Variants in DYNC2H1 observed in about 807,000 individuals in gnomAD.
DYNC2H1 encodes dynein cytoplasmic 2 heavy chain 1.
DYNC2H1 carries 410 observed loss-of-function variants against 570.0 expected under a neutral mutation model. That is an observed-to-expected ratio of 0.72 (90% CI 0.66 to 0.78). The LOEUF is 0.78. DYNC2H1 is among the 30% of genes least tolerant of loss of function. The pLI, the probability that DYNC2H1 is intolerant of heterozygous loss-of-function variation, is 0.00. For synonymous variants in DYNC2H1, 1,688 were observed against 1,677.6 expected, an observed-to-expected ratio of 1.01 and a Z score of -0.15; for missense variants, 4,865 against 5,046.4, an observed-to-expected ratio of 0.96 and a Z score of 1.09.
At chr11:103,225,904 G>GT (rs1421078081) in intron 59 of DYNC2H1, among the ~76,000 whole-genome samples, 1 of 150,628 alleles carries the variant, frequency 6.6e-6, no homozygotes, top group African/African-American at 2.4e-5. Context: ...GTTTCCATTT[G>GT]TTTGTATCAT....
chr11:103,365,690 T>C (rs576243064), intron 83 of DYNC2H1, among the ~76,000 whole-genome samples: 1 of 152,324 alleles, frequency 6.6e-6, no homozygotes, highest in South Asian at 2.1e-4. Flanking sequence ...TAATTCTTTA[T>C]TGTACAGGGA....
chr11:103,311,620 C>T (rs968578663), intron 78 of DYNC2H1, among the ~76,000 whole-genome samples: 12 of 151,468 alleles, frequency 7.9e-5, no homozygotes, highest in African/African-American at 2.9e-4. Flanking sequence ...TCCTATAAAA[C>T]TTATTTGGTT....
In DYNC2H1 at chr11:103,426,430, G is replaced by A. The variant is rs142988105; in HGVS notation, c.12367-9513G>A. Among the ~76,000 whole-genome samples the A allele has an allele frequency of 7.2e-5, 11 of 152,268 alleles. No homozygotes were observed. In the East Asian group the frequency reaches 1.2e-3, roughly 16 times the overall value. On this transcript the variant is annotated intron_variant, in intron 84 of 88. Transcript: ENST00000375735. ...AGTGTGTATTAACATACTAGCAATT[G>A]TCTGTTAATTAGTTGGTGGGGGTAG...
Position 103,181,996 on chromosome 11 carries a change from TGA to T in DYNC2H1, c.6477+114_6477+115del, listed in dbSNP as rs1861869509. 3 of 1,230,122 alleles carry T rather than the reference TGA, an allele frequency of 2.4e-6. No individual in the cohort carries two copies. The highest frequency in any genetic ancestry group is 3.3e-6 in the Non-Finnish European group (3 of 895,584). 76.2% of individuals were successfully genotyped at this position (1,230,122 alleles called of 1,614,324 possible). ...ACTCTGCTGGAATGTGGGTGTGAGGTGAGAGGTGGATTTTGTCACTGCTACTC... is the reference window on the plus strand; with the variant it reads ...ACTCTGCTGGAATGTGGGTGTGAGGTGAGGTGGATTTTGTCACTGCTACTC... On this transcript the variant is annotated intron_variant, in intron 40 of 88. Coordinates refer to ENST00000375735, the MANE Select transcript of DYNC2H1 (RefSeq NM_001377.3). This position sits in a 1 kb window ranked among gnomAD's most constrained non-coding sequence, Gnocchi z 5.0.
Position 103,275,692 on chromosome 11 carries a change from A to G in DYNC2H1, c.10696-4656A>G, listed in dbSNP as rs181087120. Among the ~76,000 whole-genome samples the G allele has an allele frequency of 1.6e-3, 248 of 151,992 alleles. No individual in the cohort carries two copies. Among genetic ancestry groups the G allele is most frequent in the Non-Finnish European group, 3.0e-3 (201 of 67,970 alleles). On this transcript the variant is annotated intron_variant, in intron 70 of 88. Coordinates refer to ENST00000375735, the MANE Select transcript of DYNC2H1 (RefSeq NM_001377.3). The surrounding 1 kb of genome is among the most constrained non-coding windows in gnomAD (Gnocchi z 4.8). ...TCTTTCATGTTTTTTTCATGGTGTA[A>G]TATCTCATTTCTTTTTAATGTTGAT...
In DYNC2H1 at chr11:103,210,721, A is replaced by G. The variant is rs114288650; in HGVS notation, c.8539+761A>G. Among the ~76,000 whole-genome samples the G allele has an allele frequency of 3.4e-3, 519 of 152,164 alleles. 3 individuals are homozygous for G. Among genetic ancestry groups the G allele is most frequent in the African/African-American group, 0.012 (481 of 41,558 alleles). ...AGTCATTCTGGTTAGAGTGAGTAAC[A>G]TGGGAAAGGTTTGGAAAAGTGAAAC... On this transcript the variant is annotated intron_variant, in intron 53 of 88. Coordinates refer to ENST00000375735, the MANE Select transcript of DYNC2H1 (RefSeq NM_001377.3).
chr11:103,158,502 T>C (rs1043989043), intron 26 of DYNC2H1, among the ~76,000 whole-genome samples, 175 bp from the exon 27 acceptor site: 1 of 152,126 alleles, frequency 6.6e-6, no homozygotes, highest in Non-Finnish European at 1.5e-5. Context: ...ATTTAAAATA[T>C]AAGAAGTTAA....
At chr11:103,315,831 A>G (rs914548608) in intron 79 of DYNC2H1, among the ~76,000 whole-genome samples, 2 of 152,038 alleles carry the variant, frequency 1.3e-5, no homozygotes, top group Admixed American at 1.3e-4. Flanking sequence ...GTTCATTCTT[A>G]TATTCCCAGA....
chr11:103,323,875 T>G lies in DYNC2H1; in HGVS notation c.11935-11T>G. 3 of 1,603,180 alleles carry G rather than the reference T, an allele frequency of 1.9e-6. No homozygotes were observed. The highest frequency in any genetic ancestry group is 2.6e-6 in the Non-Finnish European group (3 of 1,174,152). The stretch of plus-strand genomic sequence containing the variant: ...TTTTAAAAAAACTGTTTTTCACTTC[T>G]TTATATTTAGGACTATCGTGCTGTC... On this transcript the variant is annotated splice_polypyrimidine_tract_variant and intron_variant, in intron 81 of 88. Coordinates refer to ENST00000375735, the MANE Select transcript of DYNC2H1 (RefSeq NM_001377.3).
At chr11:103,148,209 T>G (rs1418417875) in intron 19 of DYNC2H1, among the ~76,000 whole-genome samples, 1 of 152,218 alleles carries the variant, frequency 6.6e-6, no homozygotes, top group Non-Finnish European at 1.5e-5. Context: ...AAAACTGAGA[T>G]GTTTTAGTAT....
At chr11:103,263,022 C>CAAAAGA (rs1865366977) in intron 70 of DYNC2H1, among the ~76,000 whole-genome samples, 1 of 39,966 alleles carries the variant, frequency 2.5e-5, no homozygotes. Flanking sequence ...AAATGGAAAG[C>CAAAAGA]AAAAAAAAAA....
At chr11:103,434,545 G>A (rs1469962768) in intron 84 of DYNC2H1, among the ~76,000 whole-genome samples, 2 of 151,350 alleles carry the variant, frequency 1.3e-5, no homozygotes, top group African/African-American at 4.9e-5. Context: ...CCATCACCTA[G>A]TCTCAAGTCC....
intron 54 of DYNC2H1, among the ~76,000 whole-genome samples, chr11:103,213,207 A>G (rs1192133171): frequency 6.6e-6 from 1 of 152,140 alleles, no homozygotes; most frequent in Admixed American, 6.5e-5. Context: ...CCAGAACCAT[A>G]TGTGAGAAAG....
chr11:103,341,082 G>C (rs4754917), intron 82 of DYNC2H1, among the ~76,000 whole-genome samples: 32,944 of 151,892 alleles, frequency 0.22, 3,714 homozygotes, highest in Admixed American at 0.31. Context: ...ACAAGGCTGT[G>C]TACTTGATTA....
Position 103,121,434 on chromosome 11 carries a change from T to C in DYNC2H1, c.1423T>C (p.Ser475Pro). 1 of 1,613,656 alleles carries C rather than the reference T, an allele frequency of 6.2e-7. No homozygotes were observed. The highest frequency in any genetic ancestry group is 1.1e-5 in the South Asian group (1 of 91,014). ...GIPGDASGPL[S>P]GKNLSEVVNS... is the part of the protein sequence containing the mutation. ...TCCTGGTGATGCATCTGGACCACTT[T>C]CTGGCAAAAATCTTTCAGAAGTTGT... is the stretch of plus-strand genomic sequence containing the variant. Residue 475 changes from serine to proline, a missense_variant, in exon 10 of 89, where the codon TCT (serine) becomes CCT (proline). Around this residue, in one of 5 missense-constraint regions of DYNC2H1, gnomAD observed 1,936 missense variants for 1,962.1 expected, o/e 0.99. Coordinates refer to ENST00000375735, the MANE Select transcript of DYNC2H1 (RefSeq NM_001377.3).
chr11:103,200,132 G>A lies in DYNC2H1; in HGVS notation c.8175G>A (p.Met2725Ile). The A allele has an allele frequency of 6.3e-7, 1 of 1,577,394 alleles. No homozygotes were observed. Among genetic ancestry groups the A allele is most frequent in the Non-Finnish European group, 8.6e-7 (1 of 1,160,236 alleles). Residue 2725 changes from methionine to isoleucine, a missense_variant, in exon 50 of 89, where the codon ATG becomes ATA. This residue lies in a region of DYNC2H1 where 2,401 missense variants were observed against 2,454.6 expected (regional missense o/e 0.98). Transcript: ENST00000375735. ...YQFVHPTFLEMINSLLSSGEV... is the reference protein window; with the variant it reads ...YQFVHPTFLEIINSLLSSGEV... ...TTGTACATCCTACATTTTTGGAGATGATCAATAGCCTTTTGTCTTCAGGCA... is the reference window on the plus strand; with the variant it reads ...TTGTACATCCTACATTTTTGGAGATAATCAATAGCCTTTTGTCTTCAGGCA...
intron 59 of DYNC2H1, among the ~76,000 whole-genome samples, chr11:103,224,579 T>C (rs1863731223): frequency 6.6e-6 from 1 of 152,230 alleles, no homozygotes. Context: ...TGCCATTATT[T>C]TGTTTCTTTT....
At chr11:103,173,608 A>G (rs1406007460) in intron 35 of DYNC2H1, among the ~76,000 whole-genome samples, 2 of 152,080 alleles carry the variant, frequency 1.3e-5, no homozygotes, top group African/African-American at 4.8e-5. Flanking sequence ...CCACTCACAA[A>G]CTACTGTTCT....
At chr11:103,110,113 C>T (rs1858039683) in intron 1 of DYNC2H1, among the ~76,000 whole-genome samples, 2 of 152,126 alleles carry the variant, frequency 1.3e-5, no homozygotes. Context: ...ACTGCGTCCT[C>T]CACCTCCTGA....
Sources: allele counts gnomAD v4.1 joint callset (sites outside exome capture counted in the v4.1 genomes callset), GRCh38; gene constraint gnomAD v4.1.1; regional missense constraint gnomAD v4.1.1; non-coding constraint Gnocchi (gnomAD v3.1); transcripts MANE v1.5; gene names NCBI Gene and HGNC (gene_info 2026-07-23, HGNC 2026-07-21).